The following SLC22A25 variants were observed in gnomAD, a reference collection of about 807,000 sequenced individuals.
The protein encoded by SLC22A25 is solute carrier family 22 member 25.
A neutral mutation model predicts 45.9 loss-of-function variants in SLC22A25; 44 were observed. The observed-to-expected ratio is 0.96, with a 90% CI of 0.75 to 1.23. The LOEUF (loss-of-function observed/expected upper bound fraction) is 1.23, where lower values mean the gene tolerates loss of function less well. SLC22A25 is among the 50% of genes most tolerant of loss of function. The pLI is 0.00. For synonymous variants in SLC22A25, 283 were observed against 238.6 expected (o/e 1.19, Z -1.72); for missense variants, 800 against 666.4 (o/e 1.20, Z -2.21).
At chr11:63,177,957 C>G (rs1035618890) in intron 9 of SLC22A25, among the ~76,000 whole-genome samples, 1 of 143,746 alleles carries the variant, frequency 7.0e-6, no homozygotes, top group Non-Finnish European at 1.5e-5. Flanking sequence ...AAAAGTGACA[C>G]TCCACCTCCT....
At chr11:63,187,974 A>G (rs1192325093) in intron 7 of SLC22A25, among the ~76,000 whole-genome samples, 2 of 152,138 alleles carry the variant, frequency 1.3e-5, no homozygotes, top group East Asian at 3.9e-4. Flanking sequence ...TTTTTGCATC[A>G]AGGTTCATCA....
At chr11:63,211,747 A>G (rs1279612352) in intron 7 of SLC22A25, among the ~76,000 whole-genome samples, 1 of 152,204 alleles carries the variant, frequency 6.6e-6, no homozygotes, top group African/African-American at 2.4e-5. Context: ...CATTCAGGAC[A>G]TAGGCATGGG....
rs2087580789 is a variant in SLC22A25, at chr11:63,163,799, G to A, written c.*25C>T. ...TTTTGGGGGATGGTAGCCCTAAATG[G>A]TGTTTTGCTTTCCTCAGCACAGACC... On this transcript the variant is annotated 3_prime_UTR_variant, in exon 12 of 12. Transcript: ENST00000306494. 1 of 1,586,370 alleles carries A rather than the reference G, an allele frequency of 6.3e-7. No homozygotes were observed. The highest frequency in any genetic ancestry group is 1.8e-5 in the Admixed American group (1 of 55,052).
chr11:63,219,851 T>G (rs1429613472), intron 5 of SLC22A25: 3 of 1,145,958 alleles, frequency 2.6e-6, no homozygotes, highest in Non-Finnish European at 3.5e-6. Context: ...GTTACTGGAC[T>G]GTTGGAAATC....
At chr11:63,215,427 T>C (rs61928159) in intron 7 of SLC22A25, among the ~76,000 whole-genome samples, 3,898 of 152,178 alleles carry the variant, frequency 0.026, 65 homozygotes, top group Middle Eastern at 0.051. Flanking sequence ...TCCTGGGGCC[T>C]GTTGTGGGAT....
At chr11:63,177,864 AATATATATAATGTATATATATAAT>A (rs1193950225) in intron 9 of SLC22A25, among the ~76,000 whole-genome samples, 13 of 31,052 alleles carry the variant, frequency 4.2e-4, no homozygotes, top group Middle Eastern at 0.016. Context: ...GTATATATAT[AATATATATAATGTATATATATAAT>A]ATATATATAT....
In SLC22A25 at chr11:63,189,667, C is replaced by T. The variant is rs916031106; in HGVS notation, c.831-5850G>A. Among the ~76,000 whole-genome samples the T allele has an allele frequency of 1.7e-3, 261 of 152,226 alleles. 1 individual carries two copies. The highest frequency in any genetic ancestry group is 6.1e-3 in the African/African-American group (252 of 41,570). On this transcript the variant is annotated intron_variant, in intron 7 of 11. Coordinates refer to ENST00000306494, the MANE Select transcript of SLC22A25 (RefSeq NM_199352.6). ...ATGGTCTTTACAATTTGGCATGTTTCTGCAGTGGCTGGTACCGGTTGTTCC... is the reference window on the plus strand; with the variant it reads ...ATGGTCTTTACAATTTGGCATGTTTTTGCAGTGGCTGGTACCGGTTGTTCC...
intron 8 of SLC22A25, among the ~76,000 whole-genome samples, chr11:63,181,557 G>C (rs1388755367): frequency 6.6e-6 from 1 of 151,890 alleles, no homozygotes; most frequent in Non-Finnish European, 1.5e-5. Flanking sequence ...TAACCCTTAT[G>C]TTTCTGTGAA....
Position 63,166,219 on chromosome 11 carries a change from G to T in SLC22A25, c.1110C>A (p.His370Gln). 1.9e-6 allele frequency: 3 copies of T among 1,613,982 alleles called. No homozygotes were observed. The highest frequency in any genetic ancestry group is 2.5e-6 in the Non-Finnish European group (3 of 1,179,944). ...AAACATTGTTTCCCAGATGCTGGAG[G>T]TGCAAAGTAAGGCCCCAAAAAGGGA... ...STIPFWGLTL[H>Q]LQHLGNNVFL... Residue 370 changes from histidine to glutamine, a missense_variant, in exon 10 of 12, where the codon CAC becomes CAA. Transcript: ENST00000306494.
intron 9 of SLC22A25, chr11:63,167,490 C>G (rs2087726350): frequency 6.6e-6 from 1 of 152,264 alleles, no homozygotes; most frequent in Non-Finnish European, 1.5e-5. Flanking sequence ...AGAGGAATGT[C>G]CACCATTACT....
chr11:63,169,246 T>C (rs140674793), intron 9 of SLC22A25, among the ~76,000 whole-genome samples: 2 of 152,238 alleles, frequency 1.3e-5, no homozygotes, highest in African/African-American at 4.8e-5. Flanking sequence ...TGATGCTATG[T>C]AGAAACTGCA....
In SLC22A25 at chr11:63,183,056, A is replaced by G. The variant is rs564607902; in HGVS notation, c.954+638T>C. Reference sequence around the variant, plus strand: ...TTGTGGCATACTATAATTTTTTGATAAATACTTTACATTTACTTAATAATC... The same window carrying G: ...TTGTGGCATACTATAATTTTTTGATGAATACTTTACATTTACTTAATAATC... On this transcript the variant is annotated intron_variant, in intron 8 of 11. Transcript: ENST00000306494. Among the ~76,000 whole-genome samples the G allele has an allele frequency of 2.6e-5, 4 of 152,176 alleles. No individual in the cohort carries two copies. In the East Asian group the frequency reaches 7.7e-4, roughly 29 times the overall value.
chr11:63,238,821 A>T lies in SLC22A25; in HGVS notation c.-681T>A. The T allele has an allele frequency of 4.0e-6, 1 of 251,736 alleles. No homozygotes were observed. The highest frequency in any genetic ancestry group is 8.4e-6 in the Non-Finnish European group (1 of 119,214). 15.6% of individuals were successfully genotyped at this position (251,736 alleles called of 1,614,324 possible). On this transcript the variant is annotated 5_prime_UTR_variant, in exon 2 of 12. Transcript: ENST00000306494. Reference sequence around the variant, plus strand: ...TATTGAGGAATGTCCCATTCAGGTGAAGGAGCTGCCACTGGGGATGGATGA... The same window carrying T: ...TATTGAGGAATGTCCCATTCAGGTGTAGGAGCTGCCACTGGGGATGGATGA...
intron 5 of SLC22A25, among the ~76,000 whole-genome samples, chr11:63,218,475 C>G (rs1049527727): frequency 1.3e-5 from 2 of 152,082 alleles, no homozygotes; most frequent in Admixed American, 1.3e-4. Flanking sequence ...TGTAACAAAC[C>G]TGCACATGCA....
intron 7 of SLC22A25, among the ~76,000 whole-genome samples, chr11:63,187,525 A>C (rs1009339388): frequency 6.6e-6 from 1 of 152,160 alleles, no homozygotes; most frequent in Non-Finnish European, 1.5e-5. Context: ...TTCCTAATTG[A>C]ATACATTTAT....
At chr11:63,241,213 G>A (rs2090242426) in intron 1 of SLC22A25, among the ~76,000 whole-genome samples, 6 of 152,178 alleles carry the variant, frequency 3.9e-5, no homozygotes, top group African/African-American at 4.8e-5. Context: ...TAATATAGTT[G>A]CAAAACAGGC....
At chr11:63,196,648 C>T (rs2089044497) in intron 7 of SLC22A25, among the ~76,000 whole-genome samples, 1 of 152,148 alleles carries the variant, frequency 6.6e-6, no homozygotes, top group Non-Finnish European at 1.5e-5. Context: ...CATCCAATAT[C>T]ATACTGAATG....
At chr11:63,180,524 A>C in intron 9 of SLC22A25, 136 bp downstream of exon 9, 1 of 622,822 alleles carries the variant, frequency 1.6e-6, no homozygotes, top group Non-Finnish European at 2.7e-6. Flanking sequence ...CACTTTTAAA[A>C]ATAGCAATTC....
intron 4 of SLC22A25, among the ~76,000 whole-genome samples, chr11:63,228,932 G>C (rs897526543): frequency 6.6e-6 from 1 of 152,126 alleles, no homozygotes; most frequent in African/African-American, 2.4e-5. Flanking sequence ...ATTTCCCAGA[G>C]GTTTATAATT....
Sources: allele counts gnomAD v4.1 joint callset (sites outside exome capture counted in the v4.1 genomes callset), GRCh38; gene constraint gnomAD v4.1.1; transcripts MANE v1.5; gene names NCBI Gene and HGNC (gene_info 2026-07-23, HGNC 2026-07-21).